Variants in AZIN2 observed in about 807,000 individuals in gnomAD.
AZIN2 encodes the protein ODC antizyme inhibitor-2.
In AZIN2, 28 loss-of-function variants were observed where a neutral mutation model predicts 47.8. That is an observed-to-expected ratio of 0.59 (90% CI 0.43 to 0.80). The LOEUF is 0.80. Ranked by LOEUF, AZIN2 falls within the 30% of genes least tolerant of loss-of-function variation. AZIN2 has a pLI of 0.00. For synonymous variants in AZIN2, 221 were observed against 239.4 expected, an observed-to-expected ratio of 0.92 and a Z score of 0.71; for missense variants, 535 against 582.5, an observed-to-expected ratio of 0.92 and a Z score of 0.84.
At chr1:33,093,488 T>C (rs1166982548) in intron 7 of AZIN2, 72 bp downstream of exon 7, 1 of 1,548,800 alleles carries the variant, frequency 6.5e-7, no homozygotes, top group African/African-American at 1.4e-5. Context: ...ATTAATTCTA[T>C]ATGAGACCTT....
At chr1:33,135,434 C>T in the AZIN2 span, among the ~76,000 whole-genome samples, 1 of 152,226 alleles carries the variant, frequency 6.6e-6, no homozygotes, top group Non-Finnish European at 1.5e-5. Context: ...TAAGAGACCA[C>T]CTGGCACGTG....
intron 8 of AZIN2, 61 bp from the exon 9 acceptor site, chr1:33,096,646 G>A: frequency 1.3e-6 from 2 of 1,579,316 alleles, no homozygotes; most frequent in Non-Finnish European, 1.7e-6. Flanking sequence ...GCTGTAGCAA[G>A]TCTTCAGCAT....
At chr1:33,132,838 G>GTGAT in the AZIN2 span, among the ~76,000 whole-genome samples, 1 of 152,260 alleles carries the variant, frequency 6.6e-6, no homozygotes, top group Admixed American at 6.5e-5. Context: ...ATCTTGGGTA[G>GTGAT]TGATGAGAAT....
the AZIN2 span, chr1:33,165,230 TA>T: frequency 2.4e-6 from 1 of 413,574 alleles, no homozygotes; most frequent in Non-Finnish European, 4.4e-6. This position sits in a 1 kb window ranked among gnomAD's most constrained non-coding sequence, Gnocchi z 4.0. Flanking sequence ...GCCCCGTCCT[TA>T]ACCGAGGGAC....
the AZIN2 span, among the ~76,000 whole-genome samples, chr1:33,155,018 G>T: frequency 7.0e-6 from 1 of 142,122 alleles, no homozygotes; most frequent in African/African-American, 2.6e-5. Flanking sequence ...GCGTGAACCC[G>T]GGAGGCAGAC....
chr1:33,147,428 C>A, the AZIN2 span: 2 of 1,614,128 alleles, frequency 1.2e-6, no homozygotes, highest in South Asian at 1.1e-5. The surrounding 1 kb of genome is among the most constrained non-coding windows in gnomAD (Gnocchi z 8.1). Context: ...TGGTTGCCAT[C>A]GTGCATCACG....
chr1:33,086,172 G>C (rs1641873811), intron 5 of AZIN2, among the ~76,000 whole-genome samples: 1 of 152,152 alleles, frequency 6.6e-6, no homozygotes, highest in Admixed American at 6.5e-5. Context: ...AGTGTTTTCT[G>C]TACACGATCT....
At chr1:33,124,751 ATGAG>A (rs1644844979), downstream of AZIN2, among the ~76,000 whole-genome samples, 1 of 151,842 alleles carries the variant, frequency 6.6e-6, no homozygotes, top group Non-Finnish European at 1.5e-5. The surrounding 1 kb of genome is among the most constrained non-coding windows in gnomAD (Gnocchi z 4.6). Flanking sequence ...ATTCCCACCT[ATGAG>A]TGAGAACATG....
In AZIN2 at chr1:33,094,638, G is replaced by C. The variant is rs762998695; in HGVS notation, c.678G>C (p.Leu226=). 1 of 1,614,172 alleles carries C rather than the reference G, an allele frequency of 6.2e-7. No individual in the cohort carries two copies. The highest frequency in any genetic ancestry group is 1.1e-5 in the South Asian group (1 of 91,086). ...TCGTGTTTGAAATGGGCACCGAGCT[G>C]GGTCACAAGATGCACGTTCTGGACC... ...ARLVFEMGTE[L]GHKMHVLDLG... is the part of the protein sequence containing the mutation. Residue 226 remains leucine (L), a synonymous_variant, in exon 8 of 12, where the codon CTG becomes CTC. Coordinates refer to ENST00000294517, the MANE Select transcript of AZIN2 (RefSeq NM_052998.4).
At chr1:33,128,677 G>C in the AZIN2 span, among the ~76,000 whole-genome samples, 1 of 152,146 alleles carries the variant, frequency 6.6e-6, no homozygotes, top group African/African-American at 2.4e-5. Context: ...TTACAAAGTG[G>C]CTGCTCTCTG....
intron 3 of AZIN2, 47 bp from the exon 4 acceptor site, chr1:33,082,131 C>A: frequency 1.2e-6 from 1 of 827,734 alleles, no homozygotes; most frequent in Non-Finnish European, 2.0e-6. Context: ...AGTGGGGCAG[C>A]AGAGCCGGCC....
At chr1:33,109,432 G>A (rs1351915214) in intron 10 of AZIN2, among the ~76,000 whole-genome samples, 2 of 151,518 alleles carry the variant, frequency 1.3e-5, no homozygotes, top group African/African-American at 2.4e-5. Context: ...AGGCTCAAGC[G>A]ATTCTCCTGC....
At position 33,117,896 on chromosome 1, in the gene AZIN2, C is replaced by T. The variant is rs1172845218; in HGVS notation, c.1030-6C>T. 13 of 1,614,184 alleles carry T rather than the reference C, an allele frequency of 8.1e-6. No individual in the cohort carries two copies. Among genetic ancestry groups the T allele is most frequent in the Non-Finnish European group, 1.1e-5 (13 of 1,179,998 alleles). ...GAGCTGGCATGGCCATCCCTTCTTCCTACAGAAACCATCCACGGAGCAGCC... is the reference window on the plus strand; with the variant it reads ...GAGCTGGCATGGCCATCCCTTCTTCTTACAGAAACCATCCACGGAGCAGCC... On this transcript the variant is annotated splice_region_variant and splice_polypyrimidine_tract_variant and intron_variant, in intron 10 of 11. Transcript: ENST00000294517.
At position 33,120,445 on chromosome 1, in the gene AZIN2, G is replaced by C; in HGVS notation, c.*263G>C. 4.5e-6 allele frequency: 2 copies of C among 446,474 alleles called. No homozygotes were observed. Among genetic ancestry groups the C allele is most frequent in the Non-Finnish European group, 3.9e-6 (1 of 253,248 alleles). The allele number at this position is 446,474 out of a possible 1,614,324, so 27.7% of individuals were successfully genotyped here. ...AAGGGGCCTGGTCAGCCAGGTGTGG[G>C]GGTGTTCTTGGGGTCTCCTTTGGTC... On this transcript the variant is annotated 3_prime_UTR_variant, in exon 12 of 12. Coordinates refer to ENST00000294517, the MANE Select transcript of AZIN2 (RefSeq NM_052998.4).
chr1:33,166,391 A>G, the AZIN2 span: 1 of 151,140 alleles, frequency 6.6e-6, no homozygotes, highest in Admixed American at 6.6e-5. Flanking sequence ...CCCTGGTGCT[A>G]AAAAGGTTGG....
At chr1:33,160,714 A>G in the AZIN2 span, among the ~76,000 whole-genome samples, 20 of 152,258 alleles carry the variant, frequency 1.3e-4, no homozygotes, top group African/African-American at 3.4e-4. Flanking sequence ...TGAAGTCTTT[A>G]TTTTAAAAAA....
downstream of AZIN2, among the ~76,000 whole-genome samples, chr1:33,126,955 T>A (rs1157357159): frequency 6.6e-6 from 1 of 152,242 alleles, no homozygotes; most frequent in Non-Finnish European, 1.5e-5. Flanking sequence ...AACCCTACTC[T>A]GGCAAGTCCC....
At chr1:33,157,552 C>G in the AZIN2 span, among the ~76,000 whole-genome samples, 1 of 149,598 alleles carries the variant, frequency 6.7e-6, no homozygotes, top group Non-Finnish European at 1.5e-5. Flanking sequence ...TGTCTACTTT[C>G]TATCTCACAC....
At chr1:33,094,397 G>A (rs1642916279) in intron 7 of AZIN2, 151 bp from the exon 8 acceptor site, 1 of 805,292 alleles carries the variant, frequency 1.2e-6, no homozygotes, top group Non-Finnish European at 1.9e-6. Context: ...ATGGCCCTTG[G>A]CAACCCATTG....
Sources: allele counts gnomAD v4.1 joint callset (sites outside exome capture counted in the v4.1 genomes callset), GRCh38; gene constraint gnomAD v4.1.1; non-coding constraint Gnocchi (gnomAD v3.1); transcripts MANE v1.5; gene names NCBI Gene and HGNC (gene_info 2026-07-23, HGNC 2026-07-21).